ZNF710: variants seen among roughly 807,000 people sequenced by gnomAD.
ZNF710 encodes the protein zinc finger protein 710.
Under a neutral mutation model 50.6 loss-of-function variants are expected in ZNF710, and 13 were observed. That is an observed-to-expected ratio of 0.26 (90% confidence interval 0.17 to 0.41). The LOEUF is 0.41. Ranked by LOEUF, ZNF710 falls within the 10% of genes least tolerant of loss-of-function variation. The probability of loss-of-function intolerance (pLI) is 1.00; values close to 1 mark genes in which losing one functional copy is unlikely to be tolerated. For synonymous variants in ZNF710, 383 were observed against 397.0 expected, an observed-to-expected ratio of 0.96 and a Z score of 0.42; for missense variants, 721 against 936.6, an observed-to-expected ratio of 0.77 and a Z score of 3.01.
At chr15:90,020,134 G>A (rs940103117) in intron 1 of ZNF710, among the ~76,000 whole-genome samples, 3 of 152,190 alleles carry the variant, frequency 2.0e-5, no homozygotes, top group Non-Finnish European at 2.9e-5. Flanking sequence ...TAGCATTTAC[G>A]TGGTCTAAAT....
chr15:90,025,272 T>A lies in ZNF710; in HGVS notation c.-29+23658T>A, dbSNP rs560470524. 3.3e-5 allele frequency: 5 copies of A among 152,310 alleles called. No individual in the cohort carries two copies. The South Asian group carries it at 1.0e-3, about 32-fold the overall frequency. 9.4% of individuals were successfully genotyped at this position (152,310 alleles called of 1,614,324 possible). A position where few individuals can be genotyped will look rare whatever the true frequency, so the allele number is the denominator to read the frequency against. On this transcript the variant is annotated intron_variant, in intron 1 of 4. Coordinates refer to ENST00000268154, the MANE Select transcript of ZNF710 (RefSeq NM_198526.4). ...AATCCAATTATTCCTCAAGTTCTTC[T>A]TGGTGGCTTCCTTCACTCTCTGGCC...
At chr15:90,002,361 C>G (rs1421840292) in intron 1 of ZNF710, 1 of 123,378 alleles carries the variant, frequency 8.1e-6, no homozygotes, top group Non-Finnish European at 1.6e-5. Flanking sequence ...GACCCAGGAC[C>G]GGCGCTCGCT....
At chr15:90,039,704 C>T (rs1899240076) in intron 1 of ZNF710, among the ~76,000 whole-genome samples, 1 of 152,194 alleles carries the variant, frequency 6.6e-6, no homozygotes, top group African/African-American at 2.4e-5. Context: ...TCATTTTCAG[C>T]CTGCACCCTA....
intron 1 of ZNF710, among the ~76,000 whole-genome samples, chr15:90,061,697 G>A (rs1462441687): frequency 6.6e-6 from 1 of 152,184 alleles, no homozygotes; most frequent in Non-Finnish European, 1.5e-5. Context: ...GTCCCCATGA[G>A]AGGAAAGGAG....
At chr15:90,029,488 CA>C (rs1445923357) in intron 1 of ZNF710, among the ~76,000 whole-genome samples, 3 of 152,142 alleles carry the variant, frequency 2.0e-5, no homozygotes, top group Non-Finnish European at 4.4e-5. Flanking sequence ...GATAATAGAC[CA>C]AGCATGGTGG....
chr15:90,026,752 G>T (rs1440795249), intron 1 of ZNF710, among the ~76,000 whole-genome samples: 1 of 152,166 alleles, frequency 6.6e-6, no homozygotes, highest in Non-Finnish European at 1.5e-5. Flanking sequence ...ACTACGTCAT[G>T]CTAATGCATT....
intron 1 of ZNF710, among the ~76,000 whole-genome samples, chr15:90,055,906 G>C (rs751971533): frequency 3.9e-5 from 6 of 152,114 alleles, no homozygotes; most frequent in Non-Finnish European, 7.3e-5. Context: ...CCTGAGGTCA[G>C]GAGTTCAAGA....
At chr15:90,051,135 A>T (rs1899630487) in intron 1 of ZNF710, among the ~76,000 whole-genome samples, 1 of 151,710 alleles carries the variant, frequency 6.6e-6, no homozygotes, top group Non-Finnish European at 1.5e-5. Flanking sequence ...GCTACTTGGG[A>T]GGCTGAGGCA....
intron 1 of ZNF710, among the ~76,000 whole-genome samples, chr15:90,031,705 C>CGTCATCT (rs1433560612): frequency 1.3e-5 from 2 of 152,184 alleles, no homozygotes; most frequent in Non-Finnish European, 2.9e-5. Flanking sequence ...TCAGTGGCCA[C>CGTCATCT]GTCATCTCTC....
intron 1 of ZNF710, among the ~76,000 whole-genome samples, chr15:90,014,698 G>GA (rs1247630294): frequency 5.3e-5 from 8 of 151,918 alleles, no homozygotes; most frequent in Admixed American, 6.6e-5. Context: ...AGTCATAAGA[G>GA]AAAAAATTAA....
chr15:90,035,995 G>C (rs1018908051), intron 1 of ZNF710, among the ~76,000 whole-genome samples: 22 of 152,132 alleles, frequency 1.4e-4, no homozygotes, highest in Admixed American at 1.4e-3. Context: ...TGCTTCCAAG[G>C]GTGGCAGGAT....
At chr15:90,047,021 G>C (rs1229647183) in intron 1 of ZNF710, among the ~76,000 whole-genome samples, 1 of 152,212 alleles carries the variant, frequency 6.6e-6, no homozygotes, top group African/African-American at 2.4e-5. Flanking sequence ...AAGGCCATCA[G>C]GTTTTTCCAG....
chr15:90,049,411 C>T lies in ZNF710; in HGVS notation c.-28-17699C>T, dbSNP rs149109249. Among the ~76,000 whole-genome samples, 451 of 152,274 alleles carry T rather than the reference C, an allele frequency of 3.0e-3. 3 individuals are homozygous for T. Among genetic ancestry groups the T allele is most frequent in the African/African-American group, 9.8e-3 (408 of 41,544 alleles). ...TCAGTCGCACCGCAGGCAGAGGGGA[C>T]GGAAACCCTCACACCACTAGTCACA... On this transcript the variant is annotated intron_variant, in intron 1 of 4. Transcript: ENST00000268154.
intron 1 of ZNF710, among the ~76,000 whole-genome samples, chr15:90,017,890 C>G (rs1016415980): frequency 1.3e-5 from 2 of 152,124 alleles, no homozygotes; most frequent in East Asian, 3.9e-4. Context: ...CCCACTGCTC[C>G]TCAGGTTTTC....
chr15:90,063,393 T>C (rs1900071797), intron 1 of ZNF710, among the ~76,000 whole-genome samples: 1 of 152,044 alleles, frequency 6.6e-6, no homozygotes, highest in African/African-American at 2.4e-5. Flanking sequence ...TTGTTCCTAG[T>C]ATTAAATGGC....
At chr15:90,006,916 C>T (rs796075341) in intron 1 of ZNF710, 7 of 154,702 alleles carry the variant, frequency 4.5e-5, no homozygotes, top group South Asian at 4.1e-4. Context: ...CATTGGGTGA[C>T]GCTGGGAAAG....
chr15:90,071,679 CT>C (rs762551098), intron 2 of ZNF710, among the ~76,000 whole-genome samples: 128 of 95,226 alleles, frequency 1.3e-3, no homozygotes, highest in Admixed American at 1.7e-3. Context: ...TATTTTTACT[CT>C]TTTTTTTTTT....
intron 1 of ZNF710, among the ~76,000 whole-genome samples, chr15:90,032,507 G>A (rs1898978626): frequency 2.0e-5 from 3 of 152,040 alleles, no homozygotes; most frequent in African/African-American, 4.8e-5. Context: ...GCTGGGCACG[G>A]TGGCTCATGC....
Position 90,045,302 on chromosome 15 carries a change from G to A in ZNF710, c.-28-21808G>A, listed in dbSNP as rs954055139. ...ACAGTGACCTCAGAGCTTGAGCCTG[G>A]TCAACTGGAACAGCAGAAAGAAGGA... is the stretch of plus-strand genomic sequence containing the variant. On this transcript the variant is annotated intron_variant, in intron 1 of 4. Transcript: ENST00000268154. The A allele has an allele frequency of 9.1e-6, 9 of 984,682 alleles. No individual in the cohort carries two copies. The African/African-American group carries it at 1.6e-4, about 17-fold the overall frequency. The allele number at this position is 984,682 out of a possible 1,614,324, so 61.0% of individuals were successfully genotyped here.
Sources: gnomAD v4.1 joint callset for allele counts (sites outside exome capture counted in the v4.1 genomes callset) on GRCh38, gnomAD v4.1.1 for gene constraint, MANE v1.5 for transcripts, NCBI Gene and HGNC (gene_info 2026-07-23, HGNC 2026-07-21) for gene names.